Variants in SLC6A7 observed in about 807,000 individuals in gnomAD.
The protein encoded by SLC6A7 is sodium-dependent proline transporter.
Under a neutral mutation model 73.1 loss-of-function variants are expected in SLC6A7, and 58 were observed. The ratio of observed to expected loss-of-function variants is 0.79; its 90% CI spans 0.64 to 0.99. The LOEUF is 0.99. Among genes scored for constraint, SLC6A7 ranks in the 50% least tolerant of loss-of-function variants. The pLI is 0.00. For missense variants in SLC6A7, 783 were observed against 831.4 expected (o/e 0.94, Z 0.72); for synonymous variants, 338 against 338.7 (o/e 1.00, Z 0.02).
chr5:150,191,033 C>T (rs1752760064), intron 1 of SLC6A7, among the ~76,000 whole-genome samples: 1 of 152,258 alleles, frequency 6.6e-6, no homozygotes, highest in South Asian at 2.1e-4. Context: ...GGGATTGGAC[C>T]TCTCAGCCAA....
chr5:150,190,220 G>C lies in SLC6A7; in HGVS notation c.-108G>C, dbSNP rs567853493. ...GCCTGCGTCCGTGCCCGCCCCAGCC[G>C]GTGCGCGGGAGCCGCGGGGGCAAAG... On this transcript the variant is annotated 5_prime_UTR_variant, in exon 1 of 14. Coordinates refer to ENST00000230671, the MANE Select transcript of SLC6A7 (RefSeq NM_014228.5). 177 of 952,132 alleles carry C rather than the reference G, an allele frequency of 1.9e-4. No individual in the cohort carries two copies. Among genetic ancestry groups the C allele is most frequent in the Admixed American group, 5.2e-4 (15 of 29,124 alleles). 59.0% of individuals were successfully genotyped at this position (952,132 alleles called of 1,614,324 possible).
At chr5:150,205,422 G>T (rs777986781) in intron 12 of SLC6A7, 34 bp from the exon 13 acceptor site, 1 of 1,559,526 alleles carries the variant, frequency 6.4e-7, no homozygotes, top group Non-Finnish European at 8.7e-7. Flanking sequence ...TTAGACAAAA[G>T]CCCGCAGTGA....
chr5:150,199,513 G>T lies in SLC6A7; in HGVS notation c.723+147G>T, dbSNP rs1753259867. 6.7e-6 allele frequency: 4 copies of T among 599,854 alleles called. No homozygotes were observed. The Admixed American group carries it at 1.2e-4, about 18-fold the overall frequency. 37.2% of individuals were successfully genotyped at this position (599,854 alleles called of 1,614,324 possible). A position where few individuals can be genotyped will look rare whatever the true frequency, so the allele number is the denominator to read the frequency against. On this transcript the variant is annotated intron_variant, in intron 5 of 13. Coordinates refer to ENST00000230671, the MANE Select transcript of SLC6A7 (RefSeq NM_014228.5). ...AGAGAGCCTTGAGACTGGGGGATGA[G>T]GGCTGCTTGAAGAGAGACATGGAGG... is the stretch of plus-strand genomic sequence containing the variant.
At position 150,193,097 on chromosome 5, in the gene SLC6A7, A is replaced by C. The variant is rs576127480; in HGVS notation, c.34-1631A>C. ...GAACTTCCAGGCATGTATTTGTTTCACCCCTTGCAGCCTAGTTACTTTAAA... is the reference window on the plus strand; with the variant it reads ...GAACTTCCAGGCATGTATTTGTTTCCCCCCTTGCAGCCTAGTTACTTTAAA... On this transcript the variant is annotated intron_variant, in intron 1 of 13. Transcript: ENST00000230671. 1.8e-4 allele frequency among the ~76,000 whole-genome samples: 27 copies of C among 152,078 alleles called. No homozygotes were observed. The South Asian group carries it at 5.0e-3, about 28-fold the overall frequency.
At chr5:150,196,638 A>G (rs567112082) in intron 2 of SLC6A7, 78 bp from the exon 3 acceptor site, 8 of 1,436,018 alleles carry the variant, frequency 5.6e-6, no homozygotes, top group Middle Eastern at 1.8e-4. Context: ...TCTGCAGGCC[A>G]GGGGAGGGGC....
Position 150,190,509 on chromosome 5 carries a change from G to T in SLC6A7, c.33+149G>T, listed in dbSNP as rs533865123. 5.4e-4 allele frequency: 294 copies of T among 548,668 alleles called. 5 individuals are homozygous for T. The South Asian group carries it at 7.5e-3, about 14-fold the overall frequency. The allele number at this position is 548,668 out of a possible 1,614,324, so 34.0% of individuals were successfully genotyped here. ...GCCCGACTCAGCTGGATAACAGGGA[G>T]GGTCAGGGTCACGGTCTGCGCCCCC... is the stretch of plus-strand genomic sequence containing the variant. On this transcript the variant is annotated intron_variant, in intron 1 of 13. Transcript: ENST00000230671.
At position 150,204,566 on chromosome 5, in the gene SLC6A7, A is replaced by G; in HGVS notation, c.1367A>G (p.Tyr456Cys). Reference sequence around the variant, plus strand: ...TACTGGCTGGTCCTTCTGGATGACTACAGCGCCAGCTTCGGGCTGATGGTG... The same window carrying G: ...TACTGGCTGGTCCTTCTGGATGACTGCAGCGCCAGCTTCGGGCTGATGGTG... ...GMYWLVLLDD[Y>C]SASFGLMVVV... is the part of the protein sequence containing the mutation. Residue 456 changes from tyrosine (Y) to cysteine (C), a missense_variant, in exon 11 of 14, where the codon TAC becomes TGC. Coordinates refer to ENST00000230671, the MANE Select transcript of SLC6A7 (RefSeq NM_014228.5). 1.9e-6 allele frequency: 3 copies of G among 1,614,106 alleles called. No individual in the cohort carries two copies. Among genetic ancestry groups the G allele is most frequent in the Non-Finnish European group, 2.5e-6 (3 of 1,179,940 alleles).
chr5:150,204,068 T>C (rs1580868879), intron 10 of SLC6A7, 30 bp downstream of exon 10: 1 of 1,605,072 alleles, frequency 6.2e-7, no homozygotes. Flanking sequence ...GGATGGCAGG[T>C]GGGCGGGACA....
chr5:150,208,150 G>A (rs767369060), intron 13 of SLC6A7, among the ~76,000 whole-genome samples: 1 of 151,792 alleles, frequency 6.6e-6, no homozygotes, highest in Non-Finnish European at 1.5e-5. Flanking sequence ...GTATTTTATT[G>A]TGGGGGACAG....
intron 11 of SLC6A7, 44 bp downstream of exon 11, chr5:150,204,675 G>A (rs1753587155): frequency 4.8e-6 from 7 of 1,464,880 alleles, no homozygotes; most frequent in South Asian, 1.1e-5. Flanking sequence ...TCCGCAGTGG[G>A]AGAATGGGAG....
intron 10 of SLC6A7, 131 bp from the exon 11 acceptor site, chr5:150,204,401 G>T (rs1201887708): frequency 1.3e-6 from 1 of 752,000 alleles, no homozygotes; most frequent in African/African-American, 1.7e-5. Context: ...GGCTGGGCTG[G>T]CAGCCAGTGG....
At chr5:150,198,116 A>AAG (rs5872162) in intron 4 of SLC6A7, among the ~76,000 whole-genome samples, 11,994 of 84,752 alleles carry the variant, frequency 0.14, 893 homozygotes, top group Non-Finnish European at 0.17. Context: ...AGAAAGAAAG[A>AAG]GAAAGAAAGA....
rs938619143 is a variant in SLC6A7, at chr5:150,205,564, C to T, written c.1642C>T (p.Leu548Phe). The T allele has an allele frequency of 1.2e-6, 2 of 1,613,546 alleles. No homozygotes were observed. Among genetic ancestry groups the T allele is most frequent in the Non-Finnish European group, 1.7e-6 (2 of 1,179,858 alleles). The part of the protein sequence containing the change: ...LGILMGLLSC[L>F]MIPAGMLVAV... ...CATCCTGATGGGCCTGCTGTCCTGC[C>T]TCATGATCCCAGCTGGCATGCTGGT... The change falls in exon 13 of 14, where the codon CTC becomes TTC. Residue 548 changes from leucine (L) to phenylalanine (F), a missense_variant. Transcript: ENST00000230671.
chr5:150,194,047 C>CA (rs1752900559), intron 1 of SLC6A7, among the ~76,000 whole-genome samples: 1 of 152,180 alleles, frequency 6.6e-6, no homozygotes. Flanking sequence ...ATGTCTAGTG[C>CA]AGTGGGCACA....
In SLC6A7 at chr5:150,209,927, G is replaced by A. The variant is rs1753890750; in HGVS notation, c.*312G>A. On this transcript the variant is annotated 3_prime_UTR_variant, in exon 14 of 14. Coordinates refer to ENST00000230671, the MANE Select transcript of SLC6A7 (RefSeq NM_014228.5). ...CTTGCCCCAGGTCGCATGGCAGAGG[G>A]GACTTGAACCCACGCCTCCTGACCA... 5.1e-6 allele frequency: 2 copies of A among 390,224 alleles called. No individual in the cohort carries two copies. Among genetic ancestry groups the A allele is most frequent in the East Asian group, 5.1e-5 (1 of 19,598 alleles). The allele number at this position is 390,224 out of a possible 1,614,324, so 24.2% of individuals were successfully genotyped here.
In SLC6A7 at chr5:150,204,401, G is replaced by A; in HGVS notation, c.1333-131G>A. On this transcript the variant is annotated intron_variant, in intron 10 of 13. Transcript: ENST00000230671. ...GACAAGGCCTAGAAGGGCTGGGCTG[G>A]CAGCCAGTGGTCACCCTGTCATCTT... 9.3e-6 allele frequency: 7 copies of A among 752,118 alleles called. No homozygotes were observed. The Admixed American group carries it at 1.4e-4, about 15-fold the overall frequency. The allele number at this position is 752,118 out of a possible 1,614,324, so 46.6% of individuals were successfully genotyped here. A position where few individuals can be genotyped will look rare whatever the true frequency, so the allele number is the denominator to read the frequency against.
intron 1 of SLC6A7, among the ~76,000 whole-genome samples, chr5:150,191,651 T>C (rs982609826): frequency 1.1e-4 from 17 of 152,222 alleles, no homozygotes; most frequent in Non-Finnish European, 2.5e-4. Flanking sequence ...AGGATGGTCT[T>C]GATCTTCTGA....
rs1753063558 is a variant in SLC6A7 at position 150,197,031 on chromosome 5, C to T, written c.350-11C>T. Reference sequence around the variant, plus strand: ...TGGCCTGGGCAGCCCAGCAGCCTCTCCCCACACCAGGCGCCGGCGCAGCCA... The same window carrying T: ...TGGCCTGGGCAGCCCAGCAGCCTCTTCCCACACCAGGCGCCGGCGCAGCCA... On this transcript the variant is annotated splice_polypyrimidine_tract_variant and intron_variant, in intron 3 of 13. Coordinates refer to ENST00000230671, the MANE Select transcript of SLC6A7 (RefSeq NM_014228.5). 2 of 1,611,286 alleles carry T rather than the reference C, an allele frequency of 1.2e-6. No individual in the cohort carries two copies. Among genetic ancestry groups the T allele is most frequent in the South Asian group, 2.2e-5 (2 of 90,970 alleles).
intron 4 of SLC6A7, among the ~76,000 whole-genome samples, chr5:150,198,814 G>GTGTGTGTGTGTT (rs1202584648): frequency 0.012 from 736 of 63,230 alleles, 10 homozygotes; most frequent in African/African-American, 0.058. Context: ...CCTGGATGGT[G>GTGTGTGTGTGTT]TGTGTGTGTG....
Sources: allele counts gnomAD v4.1 joint callset (sites outside exome capture counted in the v4.1 genomes callset), GRCh38; gene constraint gnomAD v4.1.1; transcripts MANE v1.5; gene names NCBI Gene and HGNC (gene_info 2026-07-23, HGNC 2026-07-21).